Variants in PIGN observed in about 807,000 individuals in gnomAD.
PIGN encodes phosphatidylinositol glycan anchor biosynthesis class N.
Under a neutral mutation model 125.4 loss-of-function variants are expected in PIGN, and 117 were observed. The observed-to-expected ratio is 0.93, with a 90% CI of 0.80 to 1.09. The LOEUF is 1.09. Among genes scored for constraint, PIGN ranks in the 50% least tolerant of loss-of-function variants. The pLI, the probability that PIGN is intolerant of heterozygous loss-of-function variation, is 0.00. For missense variants in PIGN, 1,075 were observed against 1,094.9 expected, an observed-to-expected ratio of 0.98 and a Z score of 0.26; for synonymous variants, 392 against 377.8, an observed-to-expected ratio of 1.04 and a Z score of -0.44.
chr18:62,074,989 T>C, intron 28 of PIGN, 168 bp from the exon 29 acceptor site: 1 of 524,824 alleles, frequency 1.9e-6, no homozygotes, highest in Non-Finnish European at 3.4e-6. Flanking sequence ...GACCATACCA[T>C]AGAGATGAGC....
At chr18:62,119,177 A>G (rs970095899) in intron 14 of PIGN, among the ~76,000 whole-genome samples, 29 of 152,210 alleles carry the variant, frequency 1.9e-4, no homozygotes, top group Admixed American at 1.6e-3. Flanking sequence ...ATCAGAGGAC[A>G]AGGCAAAACC....
intron 20 of PIGN, among the ~76,000 whole-genome samples, chr18:62,103,221 T>C (rs1489808940): frequency 6.6e-6 from 1 of 152,204 alleles, no homozygotes; most frequent in Non-Finnish European, 1.5e-5. Context: ...TACTATAATA[T>C]TTAGCCTGAA....
At chr18:62,107,355 G>C (rs766066943) in intron 17 of PIGN, 1 of 346,954 alleles carries the variant, frequency 2.9e-6, no homozygotes, top group African/African-American at 2.1e-5. Flanking sequence ...AGCACTTTGG[G>C]AGGCTGAAGA....
At chr18:62,034,746 G>A (rs754375079) in intron 23 of PIGN, among the ~76,000 whole-genome samples, 1 of 152,180 alleles carries the variant, frequency 6.6e-6, no homozygotes, top group Non-Finnish European at 1.5e-5. Flanking sequence ...CTGTATTTAG[G>A]AAGTAATTTT....
chr18:62,150,761 G>A (rs1432759169), intron 7 of PIGN, among the ~76,000 whole-genome samples: 4 of 152,052 alleles, frequency 2.6e-5, no homozygotes, highest in Non-Finnish European at 2.9e-5. Context: ...GTGCAATGGC[G>A]CAATCTCGGC....
At chr18:62,074,703 G>A in intron 29 of PIGN, 76 bp downstream of exon 29, 1 of 867,436 alleles carries the variant, frequency 1.2e-6, no homozygotes, top group Non-Finnish European at 1.8e-6. Flanking sequence ...GTACCAAAAT[G>A]CATTCATATT....
chr18:62,148,652 A>C (rs1436745960), intron 7 of PIGN, among the ~76,000 whole-genome samples: 1 of 152,190 alleles, frequency 6.6e-6, no homozygotes, highest in Admixed American at 6.5e-5. Flanking sequence ...GATTGAAGAC[A>C]TATTTTGGCA....
chr18:62,099,082 A>G (rs2034330574), intron 22 of PIGN, among the ~76,000 whole-genome samples: 1 of 152,064 alleles, frequency 6.6e-6, no homozygotes. Flanking sequence ...CTTGAGAACA[A>G]GCCTACGAGT....
chr18:62,164,740 A>G (rs546576053), intron 1 of PIGN, among the ~76,000 whole-genome samples: 1 of 151,854 alleles, frequency 6.6e-6, no homozygotes, highest in African/African-American at 2.4e-5. Context: ...CATAATCATT[A>G]TTATGTATAT....
chr18:62,074,558 G>A (rs548468338), intron 29 of PIGN, among the ~76,000 whole-genome samples: 1 of 152,144 alleles, frequency 6.6e-6, no homozygotes, highest in Non-Finnish European at 1.5e-5. Context: ...CATGGAAGAC[G>A]AGGTATGACA....
At chr18:62,107,235 G>C (rs1278757954) in intron 17 of PIGN, 150 bp from the exon 18 acceptor site, 1 of 613,314 alleles carries the variant, frequency 1.6e-6, no homozygotes, top group African/African-American at 1.9e-5. Flanking sequence ...TTGTTTCAAG[G>C]GCTTTATTTA....
At chr18:62,021,635 C>T (rs536639383) in intron 23 of PIGN, among the ~76,000 whole-genome samples, 1 of 152,280 alleles carries the variant, frequency 6.6e-6, no homozygotes, top group East Asian at 1.9e-4. Flanking sequence ...GACAGGTGCC[C>T]CCACCAGGAT....
chr18:62,112,836 T>C (rs1402210050), intron 16 of PIGN: 2 of 362,804 alleles, frequency 5.5e-6, no homozygotes, highest in Non-Finnish European at 9.8e-6. Flanking sequence ...ACTTATAAAA[T>C]GCTAGTTATA....
Position 62,042,005 on chromosome 18 carries a change from T to C in PIGN, c.*3851A>G, listed in dbSNP as rs2030398730. 1 of 152,164 alleles carries C rather than the reference T, an allele frequency of 6.6e-6. No homozygotes were observed. Among genetic ancestry groups the C allele is most frequent in the Non-Finnish European group, 1.5e-5 (1 of 68,040 alleles). 9.4% of individuals were successfully genotyped at this position (152,164 alleles called of 1,614,324 possible). ...CTATTTAAGGTGGTTTGACTAGATG[T>C]TTCTCAAATATATTTAATTAAGAAA... On this transcript the variant is annotated 3_prime_UTR_variant, in exon 31 of 31. Transcript: ENST00000640252.
chr18:62,119,631 G>A (rs950836197), intron 14 of PIGN, among the ~76,000 whole-genome samples: 2 of 152,018 alleles, frequency 1.3e-5, no homozygotes, highest in African/African-American at 4.8e-5. Context: ...ATCACTTGAG[G>A]TCAGGAGTTT....
chr18:62,111,889 G>A (rs1022570820), intron 16 of PIGN, among the ~76,000 whole-genome samples: 3 of 152,096 alleles, frequency 2.0e-5, no homozygotes, highest in African/African-American at 4.8e-5. Context: ...TCAGATTAAC[G>A]AATAATGAAG....
chr18:62,138,626 C>T (rs911698367), intron 13 of PIGN, among the ~76,000 whole-genome samples: 1 of 152,156 alleles, frequency 6.6e-6, no homozygotes, highest in Non-Finnish European at 1.5e-5. Context: ...AAAGGGTCAC[C>T]TCTTTAAATT....
At chr18:62,129,383 ATTGGCTG>A (rs1322749970) in intron 14 of PIGN, among the ~76,000 whole-genome samples, 1 of 152,188 alleles carries the variant, frequency 6.6e-6, no homozygotes, top group East Asian at 1.9e-4. Context: ...AAGCTAGTAT[ATTGGCTG>A]TTACTACCTC....
intron 7 of PIGN, among the ~76,000 whole-genome samples, chr18:62,151,717 G>A (rs750199590): frequency 1.3e-5 from 2 of 152,136 alleles, no homozygotes; most frequent in Non-Finnish European, 2.9e-5. Flanking sequence ...AACTTCCATT[G>A]CTGCCTTGGT....
Sources: allele counts gnomAD v4.1 joint callset (sites outside exome capture counted in the v4.1 genomes callset), GRCh38; gene constraint gnomAD v4.1.1; transcripts MANE v1.5; gene names NCBI Gene and HGNC (gene_info 2026-07-23, HGNC 2026-07-21).